Variants in FBXO4 observed in about 807,000 individuals in gnomAD.
FBXO4 encodes the protein F-box protein 4.
A neutral mutation model predicts 43.7 loss-of-function variants in FBXO4; 36 were observed. The ratio of observed to expected loss-of-function variants is 0.82; its 90% CI spans 0.63 to 1.09. The LOEUF is 1.09. Among genes scored for constraint, FBXO4 ranks in the 50% least tolerant of loss-of-function variants. The pLI is 0.00. For missense variants in FBXO4, 435 were observed against 474.1 expected (o/e 0.92, Z 0.77); for synonymous variants, 180 against 165.6 (o/e 1.09, Z -0.67).
the FBXO4 span, among the ~76,000 whole-genome samples, chr5:42,013,164 C>A: frequency 3.0e-3 from 454 of 152,142 alleles, 2 homozygotes; most frequent in Non-Finnish European, 5.1e-3. Flanking sequence ...ATTAGCCAGG[C>A]ATGGTGGTGC....
chr5:41,981,377 T>TA, the FBXO4 span, among the ~76,000 whole-genome samples: 3 of 151,814 alleles, frequency 2.0e-5, no homozygotes, highest in Admixed American at 2.0e-4. Flanking sequence ...ATATGCATTC[T>TA]AAAATTTTTT....
At chr5:41,949,216 C>T in the FBXO4 span, among the ~76,000 whole-genome samples, 26 of 152,094 alleles carry the variant, frequency 1.7e-4, no homozygotes, top group East Asian at 4.8e-3. Flanking sequence ...CTGGCCAGGG[C>T]AATCAGGCAA....
chr5:42,023,857 A>T, the FBXO4 span, among the ~76,000 whole-genome samples: 2 of 151,966 alleles, frequency 1.3e-5, no homozygotes, highest in Non-Finnish European at 2.9e-5. Flanking sequence ...ACAAGAATTT[A>T]TCAGTTCCCA....
the FBXO4 span, among the ~76,000 whole-genome samples, chr5:42,032,382 A>G: frequency 6.6e-6 from 1 of 152,116 alleles, no homozygotes; most frequent in Admixed American, 6.5e-5. Context: ...GCACTAGAAT[A>G]AAAACCTCAG....
At chr5:41,951,066 G>A in the FBXO4 span, among the ~76,000 whole-genome samples, 1 of 152,280 alleles carries the variant, frequency 6.6e-6, no homozygotes, top group East Asian at 1.9e-4. Flanking sequence ...CTGTTGGGGG[G>A]TAGGGGGCTA....
the FBXO4 span, among the ~76,000 whole-genome samples, chr5:42,039,156 A>C: frequency 6.6e-6 from 1 of 152,096 alleles, no homozygotes; most frequent in African/African-American, 2.4e-5. Context: ...ACATGCAGCT[A>C]TGTTAAAATT....
the FBXO4 span, among the ~76,000 whole-genome samples, chr5:42,026,619 G>A: frequency 6.6e-6 from 1 of 151,940 alleles, no homozygotes; most frequent in East Asian, 1.9e-4. Context: ...TGGTGACAAT[G>A]AGCCTTCTTG....
the FBXO4 span, chr5:41,967,984 C>A: frequency 2.2e-6 from 1 of 460,804 alleles, no homozygotes. Flanking sequence ...CACGCTCAGG[C>A]ATGGCCCTTT....
At chr5:42,009,190 T>C in the FBXO4 span, among the ~76,000 whole-genome samples, 1 of 152,144 alleles carries the variant, frequency 6.6e-6, no homozygotes, top group Non-Finnish European at 1.5e-5. Flanking sequence ...ACACCTGATC[T>C]GGCCACTGAC....
At chr5:42,010,093 T>G in the FBXO4 span, among the ~76,000 whole-genome samples, 1 of 152,218 alleles carries the variant, frequency 6.6e-6, no homozygotes, top group Non-Finnish European at 1.5e-5. Flanking sequence ...TAAGGTACCT[T>G]GATTAGGTAC....
At chr5:41,958,868 A>T in the FBXO4 span, among the ~76,000 whole-genome samples, 1 of 152,124 alleles carries the variant, frequency 6.6e-6, no homozygotes, top group African/African-American at 2.4e-5. Flanking sequence ...AGGGAGTGCA[A>T]ATATCTCTTT....
intron 3 of FBXO4, among the ~76,000 whole-genome samples, chr5:41,933,137 A>G (rs781522650): frequency 7.9e-5 from 12 of 152,240 alleles, no homozygotes; most frequent in Non-Finnish European, 1.5e-4. Context: ...ATTCAGAATT[A>G]TAATCCAACT....
downstream of FBXO4, among the ~76,000 whole-genome samples, chr5:41,941,962 A>G (rs999825104): frequency 6.6e-6 from 1 of 152,148 alleles, no homozygotes; most frequent in African/African-American, 2.4e-5. Context: ...TGTATGTATC[A>G]TATTACTTCC....
At chr5:42,021,775 AT>A in the FBXO4 span, among the ~76,000 whole-genome samples, 1 of 152,180 alleles carries the variant, frequency 6.6e-6, no homozygotes, top group African/African-American at 2.4e-5. Flanking sequence ...GTATTGTGTA[AT>A]TTTTTAAAGT....
At chr5:41,952,580 G>A in the FBXO4 span, among the ~76,000 whole-genome samples, 1 of 152,054 alleles carries the variant, frequency 6.6e-6, no homozygotes, top group Non-Finnish European at 1.5e-5. Flanking sequence ...CCTCAAAAAG[G>A]AACTTTGTGC....
chr5:41,999,468 TATATATATACAC>T, the FBXO4 span, among the ~76,000 whole-genome samples: 1 of 27,442 alleles, frequency 3.6e-5, no homozygotes, highest in African/African-American at 1.0e-4. Flanking sequence ...TGTGTGTGTA[TATATATATACAC>T]ATATATATAT....
the FBXO4 span, among the ~76,000 whole-genome samples, chr5:41,958,347 G>T: frequency 6.6e-6 from 1 of 152,126 alleles, no homozygotes; most frequent in Non-Finnish European, 1.5e-5. Flanking sequence ...TGTTAGCCAG[G>T]ATGGTCTCGA....
In FBXO4 at chr5:41,941,461, G is replaced by GAA. The variant is rs750998493; in HGVS notation, c.*183_*184dup. The GAA allele has an allele frequency of 9.9e-6, 4 of 405,090 alleles. No homozygotes were observed. Among genetic ancestry groups the GAA allele is most frequent in the Non-Finnish European group, 9.0e-6 (2 of 223,152 alleles). 25.1% of individuals were successfully genotyped at this position (405,090 alleles called of 1,614,324 possible). A position where few individuals can be genotyped will look rare whatever the true frequency, so the allele number is the denominator to read the frequency against. On this transcript the variant is annotated 3_prime_UTR_variant, in exon 7 of 7. Transcript: ENST00000281623. ...ACTCTTTACCATAAATCAATTACAA[G>GAA]AAAAGAGTTTCAGTCCTAGTATTTA... is the stretch of plus-strand genomic sequence containing the variant.
chr5:41,982,217 C>T, the FBXO4 span, among the ~76,000 whole-genome samples: 1 of 152,072 alleles, frequency 6.6e-6, no homozygotes, highest in Non-Finnish European at 1.5e-5. Context: ...CATACGTGTT[C>T]ATGTGTCTTT....
Sources: gnomAD v4.1 joint callset for allele counts (sites outside exome capture counted in the v4.1 genomes callset) on GRCh38, gnomAD v4.1.1 for gene constraint, MANE v1.5 for transcripts, NCBI Gene and HGNC (gene_info 2026-07-23, HGNC 2026-07-21) for gene names.